The following ZNF385D variants were observed in gnomAD, a reference collection of about 807,000 sequenced individuals.
ZNF385D encodes zinc finger protein 659.
Under a neutral mutation model 35.8 loss-of-function variants are expected in ZNF385D, and 15 were observed. The observed-to-expected ratio is 0.42, with a 90% CI of 0.28 to 0.64. ZNF385D has a LOEUF of 0.64. Among genes scored for constraint, ZNF385D ranks in the 30% least tolerant of loss-of-function variants. ZNF385D has a pLI of 0.23. For missense variants in ZNF385D, 474 were observed against 494.6 expected (o/e 0.96, Z 0.39); for synonymous variants, 212 against 186.8 (o/e 1.13, Z -1.10).
intron 2 of ZNF385D, among the ~76,000 whole-genome samples, chr3:22,366,886 C>T (rs1041624092): frequency 5.3e-5 from 8 of 151,958 alleles, no homozygotes; most frequent in African/African-American, 1.2e-4. Flanking sequence ...AGACAAAGGC[C>T]GAGATTGGAG....
At chr3:21,578,206 C>A (rs771177591) in intron 2 of ZNF385D, among the ~76,000 whole-genome samples, 1 of 152,038 alleles carries the variant, frequency 6.6e-6, no homozygotes, top group African/African-American at 2.4e-5. Context: ...TCTTTGAATT[C>A]TTTGTATATT....
At chr3:21,443,418 G>T (rs1333065212) in intron 4 of ZNF385D, 2 of 909,250 alleles carry the variant, frequency 2.2e-6, no homozygotes, top group Non-Finnish European at 1.3e-6. Context: ...AAATTTTGGG[G>T]GTCTGTCTTA....
intron 3 of ZNF385D, among the ~76,000 whole-genome samples, chr3:22,036,753 G>T (rs1247902973): frequency 3.4e-5 from 5 of 145,844 alleles, no homozygotes; most frequent in African/African-American, 1.3e-4. Flanking sequence ...GGGTACATGT[G>T]CACAACGTGC....
chr3:22,151,652 G>A (rs1705243934), intron 3 of ZNF385D, among the ~76,000 whole-genome samples: 1 of 152,086 alleles, frequency 6.6e-6, no homozygotes, highest in Non-Finnish European at 1.5e-5. Context: ...CTGATTGGCT[G>A]GGGCCCACCC....
intron 3 of ZNF385D, among the ~76,000 whole-genome samples, chr3:21,936,815 C>T (rs140774162): frequency 2.5e-3 from 375 of 152,080 alleles, no homozygotes; most frequent in African/African-American, 8.6e-3. Flanking sequence ...CCTCATTGTG[C>T]TGAAAAATAA....
At chr3:22,348,859 A>G (rs910571505) in intron 2 of ZNF385D, among the ~76,000 whole-genome samples, 1 of 152,162 alleles carries the variant, frequency 6.6e-6, no homozygotes, top group African/African-American at 2.4e-5. Flanking sequence ...TTTTTAACCC[A>G]CTCAATCTGT....
At chr3:22,066,729 G>A (rs946601871) in intron 3 of ZNF385D, among the ~76,000 whole-genome samples, 2 of 152,126 alleles carry the variant, frequency 1.3e-5, no homozygotes, top group Admixed American at 1.3e-4. Flanking sequence ...GATAAGTGAT[G>A]TGCACTTAGA....
At chr3:21,850,587 A>G (rs1337810466) in intron 3 of ZNF385D, among the ~76,000 whole-genome samples, 1 of 152,136 alleles carries the variant, frequency 6.6e-6, no homozygotes, top group Non-Finnish European at 1.5e-5. Flanking sequence ...GATTAAGGTA[A>G]GACTTCCCCA....
rs570490594 is a variant in ZNF385D at position 21,769,404 on chromosome 3, A to C, written c.326-104376T>G. Among the ~76,000 whole-genome samples the C allele has an allele frequency of 2.2e-4, 26 of 117,982 alleles. 2 individuals carry two copies. In the South Asian group the frequency reaches 7.1e-3, roughly 32 times the overall value. 77.4% of individuals were successfully genotyped at this position (117,982 alleles called of 152,430 possible). A position where few individuals can be genotyped will look rare whatever the true frequency, so the allele number is the denominator to read the frequency against. On this transcript the variant is annotated intron_variant, in intron 3 of 5. Coordinates refer to the ZNF385D transcript ENST00000494108. Reference sequence around the variant, plus strand: ...CGGCAAAGTCTCAGGATACAAAATCAGTGTGCAAAAATCACATGCATTCTT... The same window carrying C: ...CGGCAAAGTCTCAGGATACAAAATCCGTGTGCAAAAATCACATGCATTCTT...
intron 3 of ZNF385D, among the ~76,000 whole-genome samples, chr3:21,990,346 C>T (rs1450936410): frequency 1.3e-5 from 2 of 152,186 alleles, no homozygotes; most frequent in Non-Finnish European, 2.9e-5. Context: ...AGGAACTCTT[C>T]ACAAATCCAA....
chr3:21,999,746 T>G (rs1497931), intron 3 of ZNF385D, among the ~76,000 whole-genome samples: 97,850 of 149,920 alleles, frequency 0.65, 33,185 homozygotes, highest in African/African-American at 0.82. Flanking sequence ...TTGAAAGTAG[T>G]TCTTGTAAAA....
intron 7 of ZNF385D, among the ~76,000 whole-genome samples, chr3:21,421,830 G>A (rs936759101): frequency 2.6e-5 from 4 of 152,100 alleles, no homozygotes; most frequent in African/African-American, 9.7e-5. Flanking sequence ...GATTTTTAAT[G>A]CTGTCAAATG....
chr3:22,278,729 G>A (rs1237779890), intron 2 of ZNF385D, among the ~76,000 whole-genome samples: 2 of 152,090 alleles, frequency 1.3e-5, no homozygotes, highest in Non-Finnish European at 2.9e-5. Flanking sequence ...AAGGATCAGA[G>A]AAAATTGGCA....
chr3:22,062,348 G>A (rs1699732649), intron 3 of ZNF385D, among the ~76,000 whole-genome samples: 2 of 152,014 alleles, frequency 1.3e-5, no homozygotes, highest in East Asian at 1.9e-4. Flanking sequence ...AGTCACTTGC[G>A]CCCAGCCTGT....
At position 21,996,867 on chromosome 3, in the gene ZNF385D, T is replaced by C. The variant is rs527418191; in HGVS notation, c.325+171950A>G. ...TGGAAAAAGAGAAGCGATTAATTTA[T>C]TGCTTCTCTGCCCGAGTGATTAAGC... On this transcript the variant is annotated intron_variant, in intron 3 of 5. Coordinates refer to the ZNF385D transcript ENST00000494108. 3.4e-4 allele frequency among the ~76,000 whole-genome samples: 52 copies of C among 152,332 alleles called. 1 individual carries two copies. The South Asian group carries it at 0.011, about 32-fold the overall frequency.
intron 3 of ZNF385D, among the ~76,000 whole-genome samples, chr3:22,158,938 G>C (rs1196625398): frequency 6.6e-6 from 1 of 151,954 alleles, no homozygotes; most frequent in East Asian, 1.9e-4. Flanking sequence ...GAAATGTAAA[G>C]GAAGGAAAAC....
intron 3 of ZNF385D, among the ~76,000 whole-genome samples, chr3:22,042,958 A>T (rs1698759703): frequency 6.6e-6 from 1 of 152,196 alleles, no homozygotes; most frequent in Admixed American, 6.6e-5. Flanking sequence ...AACTAGGATC[A>T]GTTGTAATCC....
At chr3:21,784,881 T>A (rs929844822) in intron 3 of ZNF385D, among the ~76,000 whole-genome samples, 4 of 152,180 alleles carry the variant, frequency 2.6e-5, no homozygotes, top group African/African-American at 9.6e-5. Flanking sequence ...TTTCAAAATT[T>A]GATCTTTAAT....
At chr3:21,718,743 A>G (rs1575525079) in intron 1 of ZNF385D, among the ~76,000 whole-genome samples, 3 of 152,356 alleles carry the variant, frequency 2.0e-5, no homozygotes, top group Admixed American at 2.0e-4. Flanking sequence ...AAAGATAAAA[A>G]CTAAAATGAT....
Sources: allele counts gnomAD v4.1 joint callset (sites outside exome capture counted in the v4.1 genomes callset), GRCh38; gene constraint gnomAD v4.1.1; transcripts MANE v1.5; gene names NCBI Gene and HGNC (gene_info 2026-07-23, HGNC 2026-07-21).